Variants in PRKAA2 observed in about 807,000 individuals in gnomAD.
PRKAA2 encodes 5'-AMP-activated protein kinase catalytic subunit alpha-2.
In PRKAA2, 40 loss-of-function variants were observed where a neutral mutation model predicts 56.3. The observed-to-expected ratio is 0.71, with a 90% CI of 0.55 to 0.92. The LOEUF is 0.92. Ranked by LOEUF, PRKAA2 falls within the 40% of genes least tolerant of loss-of-function variation. PRKAA2 has a pLI of 0.00. For synonymous variants in PRKAA2, 214 were observed against 234.2 expected (o/e 0.91, Z 0.79); for missense variants, 542 against 686.9 (o/e 0.79, Z 2.36).
rs1644364741 is a variant in PRKAA2 at position 56,710,815 on chromosome 1, G to A, written c.*3102G>A. ...TTAAAAAAAAGTCTAAGAGACTAATGACTCATGCTTATGGCTCAGTGGGTA... is the reference window on the plus strand; with the variant it reads ...TTAAAAAAAAGTCTAAGAGACTAATAACTCATGCTTATGGCTCAGTGGGTA... On this transcript the variant is annotated 3_prime_UTR_variant, in exon 9 of 9. Transcript: ENST00000371244. 1 of 152,058 alleles carries A rather than the reference G, an allele frequency of 6.6e-6. No individual in the cohort carries two copies. The highest frequency in any genetic ancestry group is 2.4e-5 in the African/African-American group (1 of 41,426). The allele number at this position is 152,058 out of a possible 1,614,324, so 9.4% of individuals were successfully genotyped here. A position where few individuals can be genotyped will look rare whatever the true frequency, so the allele number is the denominator to read the frequency against.
intron 1 of PRKAA2, among the ~76,000 whole-genome samples, chr1:56,658,723 G>A (rs761137097): frequency 2.0e-5 from 3 of 150,962 alleles, no homozygotes; most frequent in Non-Finnish European, 3.0e-5. Context: ...GTGATCCTCC[G>A]TGATCCTCCT....
At chr1:56,664,032 G>A (rs561189769) in intron 1 of PRKAA2, among the ~76,000 whole-genome samples, 3 of 152,194 alleles carry the variant, frequency 2.0e-5, no homozygotes, top group African/African-American at 7.2e-5. Flanking sequence ...CAGAAGGTCA[G>A]GGTTGCAGGG....
At chr1:56,702,654 T>C (rs1336017041) in intron 6 of PRKAA2, among the ~76,000 whole-genome samples, 2 of 152,212 alleles carry the variant, frequency 1.3e-5, no homozygotes, top group African/African-American at 2.4e-5. Flanking sequence ...TCTCATGGTC[T>C]TTGCACATAT....
intron 1 of PRKAA2, among the ~76,000 whole-genome samples, chr1:56,671,146 C>A (rs1425797292): frequency 3.3e-5 from 5 of 152,142 alleles, no homozygotes; most frequent in East Asian, 1.9e-4. Context: ...AAATTCTTGA[C>A]CTTAAATCTG....
intron 2 of PRKAA2, among the ~76,000 whole-genome samples, chr1:56,688,209 T>C (rs1019503710): frequency 2.0e-5 from 3 of 152,154 alleles, no homozygotes; most frequent in African/African-American, 7.2e-5. Context: ...CCTTTGTCCC[T>C]ACCCCATTGT....
At chr1:56,660,850 A>G (rs559365466) in intron 1 of PRKAA2, among the ~76,000 whole-genome samples, 1 of 152,300 alleles carries the variant, frequency 6.6e-6, no homozygotes, top group East Asian at 1.9e-4. Context: ...TACTTATTTA[A>G]TAAGTTGTAG....
At chr1:56,676,586 G>A (rs1182942111) in intron 2 of PRKAA2, among the ~76,000 whole-genome samples, 1 of 152,174 alleles carries the variant, frequency 6.6e-6, no homozygotes, top group African/African-American at 2.4e-5. Context: ...TAATACATTT[G>A]TGTTGTTTTA....
At chr1:56,657,617 A>G (rs904465387) in intron 1 of PRKAA2, among the ~76,000 whole-genome samples, 7 of 152,174 alleles carry the variant, frequency 4.6e-5, no homozygotes, top group Admixed American at 4.6e-4. Context: ...CAGAGGTTGC[A>G]GTGAGCCGAG....
rs545526063 is a variant in PRKAA2, at chr1:56,645,325, A to AGGC, written c.-47_-45dup. 1.9e-3 allele frequency: 2,467 copies of AGGC among 1,333,386 alleles called. 41 individuals carry two copies. The African/African-American group carries it at 0.033, about 18-fold the overall frequency. The allele number at this position is 1,333,386 out of a possible 1,614,324, so 82.6% of individuals were successfully genotyped here. On this transcript the variant is annotated 5_prime_UTR_variant, in exon 1 of 9. Transcript: ENST00000371244. ...CCGCAGGGCCCGCTGCACTGTGGGT[A>AGGC]GGCGGCGGCGGCGGCGGCTACGCGG... is the stretch of plus-strand genomic sequence containing the variant.
chr1:56,656,149 T>C (rs1643939246), intron 1 of PRKAA2, among the ~76,000 whole-genome samples: 1 of 152,090 alleles, frequency 6.6e-6, no homozygotes, highest in Non-Finnish European at 1.5e-5. Flanking sequence ...TTAGATTCCA[T>C]TGAAGAGAGG....
chr1:56,688,920 A>C (rs1644209224), intron 2 of PRKAA2, among the ~76,000 whole-genome samples: 1 of 152,214 alleles, frequency 6.6e-6, no homozygotes, highest in African/African-American at 2.4e-5. Context: ...ACCATTTAAT[A>C]GCTTAGTGCC....
rs969139051 is a variant in PRKAA2, at chr1:56,669,676, C to G, written c.95-4705C>G. On this transcript the variant is annotated intron_variant, in intron 1 of 8. Transcript: ENST00000371244. ...CAAGGGATCTAGCCTCTGACCCCAT[C>G]CCATCTAGCATTGAGAGATGAACTG... Among the ~76,000 whole-genome samples, 3 of 152,262 alleles carry G rather than the reference C, an allele frequency of 2.0e-5. No individual in the cohort carries two copies. In the South Asian group the frequency reaches 6.2e-4, roughly 32 times the overall value.
intron 5 of PRKAA2, among the ~76,000 whole-genome samples, chr1:56,695,204 T>TATATATATATATATATATA (rs559299252): frequency 0.018 from 2,489 of 139,420 alleles, 71 homozygotes; most frequent in African/African-American, 0.06. Flanking sequence ...ATATATATAT[T>TATATATATATATATATATA]TTTTGTTTTG....
At chr1:56,698,696 G>A (rs184086836) in intron 6 of PRKAA2, among the ~76,000 whole-genome samples, 1 of 152,006 alleles carries the variant, frequency 6.6e-6, no homozygotes, top group African/African-American at 2.4e-5. Flanking sequence ...CATACTTACT[G>A]TCTCAATATT....
In PRKAA2 at chr1:56,703,713, G is replaced by T. The variant is rs1644312032; in HGVS notation, c.789-258G>T. On this transcript the variant is annotated intron_variant, in intron 6 of 8. Coordinates refer to ENST00000371244, the MANE Select transcript of PRKAA2 (RefSeq NM_006252.4). Reference sequence around the variant, plus strand: ...AATTTTATCATTGGCAACAAATATTGCTGGTTGTTTTCCTTAAAGCGATGG... The same window carrying T: ...AATTTTATCATTGGCAACAAATATTTCTGGTTGTTTTCCTTAAAGCGATGG... Among the ~76,000 whole-genome samples the T allele has an allele frequency of 2.0e-5, 3 of 152,130 alleles. No homozygotes were observed. In the South Asian group the frequency reaches 6.2e-4, roughly 32 times the overall value.
intron 1 of PRKAA2, among the ~76,000 whole-genome samples, chr1:56,662,762 G>A (rs531003682): frequency 6.6e-6 from 1 of 151,210 alleles, no homozygotes; most frequent in Non-Finnish European, 1.5e-5. Context: ...GTGTGTGTGT[G>A]TTTTTTTTTA....
chr1:56,655,280 A>ATTTTTTTTTTTTTTT (rs1207874046), intron 1 of PRKAA2, among the ~76,000 whole-genome samples: 1 of 93,654 alleles, frequency 1.1e-5, no homozygotes, highest in African/African-American at 4.5e-5. Context: ...ATATATATAT[A>ATTTTTTTTTTTTTTT]TTTTTTTTTT....
At chr1:56,648,069 G>C (rs1381400506) in intron 1 of PRKAA2, among the ~76,000 whole-genome samples, 2 of 151,450 alleles carry the variant, frequency 1.3e-5, no homozygotes, top group African/African-American at 4.8e-5. Flanking sequence ...AACTTATTTA[G>C]GTATATTTTA....
At chr1:56,675,765 A>G (rs779669557) in intron 2 of PRKAA2, among the ~76,000 whole-genome samples, 8 of 152,198 alleles carry the variant, frequency 5.3e-5, no homozygotes, top group Non-Finnish European at 7.3e-5. Flanking sequence ...AATACAAAAA[A>G]ACAATGGAAT....
Sources: gnomAD v4.1 joint callset for allele counts (sites outside exome capture counted in the v4.1 genomes callset) on GRCh38, gnomAD v4.1.1 for gene constraint, MANE v1.5 for transcripts, NCBI Gene and HGNC (gene_info 2026-07-23, HGNC 2026-07-21) for gene names.